The following CCSER1 variants were observed in gnomAD, a reference collection of about 807,000 sequenced individuals.
The protein encoded by CCSER1 is serine-rich coiled-coil domain-containing protein 1.
In CCSER1, 41 loss-of-function variants were observed where a neutral mutation model predicts 82.0. The ratio of observed to expected loss-of-function variants is 0.50; its 90% CI spans 0.39 to 0.65. The LOEUF (loss-of-function observed/expected upper bound fraction) is 0.65. CCSER1 is among the 30% of genes least tolerant of loss of function. The pLI, the probability that CCSER1 is intolerant of heterozygous loss-of-function variation, is 0.00. For missense variants in CCSER1, 1,119 were observed against 1,064.2 expected (o/e 1.05, Z -0.72); for synonymous variants, 414 against 383.9 (o/e 1.08, Z -0.92).
At chr4:90,704,196 T>G (rs967700333) in intron 6 of CCSER1, among the ~76,000 whole-genome samples, 13 of 152,222 alleles carry the variant, frequency 8.5e-5, no homozygotes, top group Admixed American at 2.6e-4. Flanking sequence ...CAGCATTTGC[T>G]TGTGTGTAAA....
chr4:91,053,918 C>A (rs1743214648), intron 9 of CCSER1, among the ~76,000 whole-genome samples: 1 of 152,134 alleles, frequency 6.6e-6, no homozygotes, highest in Admixed American at 6.5e-5. Context: ...AATGTGCTAC[C>A]ATGTATTAAG....
chr4:90,620,955 G>A (rs951758446), intron 5 of CCSER1, among the ~76,000 whole-genome samples: 1 of 151,964 alleles, frequency 6.6e-6, no homozygotes, highest in African/African-American at 2.4e-5. Flanking sequence ...CTGACATTAT[G>A]GTCGTGCATC....
intron 9 of CCSER1, among the ~76,000 whole-genome samples, chr4:90,926,723 G>A (rs1437417895): frequency 6.6e-6 from 1 of 151,964 alleles, no homozygotes; most frequent in Non-Finnish European, 1.5e-5. Context: ...TGTGATGAGG[G>A]AGATTGTTAA....
intron 5 of CCSER1, among the ~76,000 whole-genome samples, chr4:90,558,784 AT>A (rs1394519711): frequency 3.3e-5 from 5 of 152,160 alleles, no homozygotes; most frequent in African/African-American, 1.2e-4. Context: ...GAATGAGTAT[AT>A]TTTTTAGGGA....
chr4:91,083,420 C>G, intron 9 of CCSER1, among the ~76,000 whole-genome samples: 1 of 150,516 alleles, frequency 6.6e-6, no homozygotes, highest in East Asian at 2.0e-4. Context: ...GGGGGGTTGG[C>G]GGGGGGAAGG....
intron 3 of CCSER1, among the ~76,000 whole-genome samples, chr4:90,347,683 TG>T (rs1370495932): frequency 6.6e-6 from 1 of 152,054 alleles, no homozygotes; most frequent in Non-Finnish European, 1.5e-5. Context: ...GAGGCCCAGT[TG>T]AGGCCACAGC....
At chr4:90,721,753 C>T (rs1163486636) in intron 6 of CCSER1, among the ~76,000 whole-genome samples, 1 of 151,238 alleles carries the variant, frequency 6.6e-6, no homozygotes, top group Non-Finnish European at 1.5e-5. Flanking sequence ...TGGAATGATA[C>T]CTAAATTACA....
chr4:91,056,678 C>T (rs550780221), intron 9 of CCSER1, among the ~76,000 whole-genome samples: 5 of 152,208 alleles, frequency 3.3e-5, no homozygotes, highest in South Asian at 2.1e-4. Flanking sequence ...GAAAACTGTG[C>T]GTCTAAATCC....
intron 10 of CCSER1, among the ~76,000 whole-genome samples, chr4:91,161,492 G>A (rs187460998): frequency 1.3e-5 from 2 of 152,264 alleles, no homozygotes; most frequent in East Asian, 1.9e-4. Flanking sequence ...ATTACCTTGG[G>A]CAGTATGGCC....
chr4:90,829,721 T>C (rs1055532511), intron 8 of CCSER1, among the ~76,000 whole-genome samples: 1 of 152,130 alleles, frequency 6.6e-6, no homozygotes, highest in African/African-American at 2.4e-5. Context: ...CACCTGAAGG[T>C]CTGCGAGAGA....
chr4:91,567,532 T>TA (rs540358378), intron 10 of CCSER1, among the ~76,000 whole-genome samples: 28 of 151,966 alleles, frequency 1.8e-4, no homozygotes, highest in African/African-American at 6.5e-4. Context: ...TGTAGATCTC[T>TA]AAGAACTTGC....
intron 10 of CCSER1, among the ~76,000 whole-genome samples, chr4:91,403,740 G>A (rs768281511): frequency 4.6e-5 from 7 of 152,160 alleles, no homozygotes; most frequent in Non-Finnish European, 1.0e-4. Flanking sequence ...TATCAGGGAA[G>A]AAGCTGACTT....
At chr4:90,169,318 A>G (rs1275448580) in intron 1 of CCSER1, among the ~76,000 whole-genome samples, 1 of 152,120 alleles carries the variant, frequency 6.6e-6, no homozygotes, top group African/African-American at 2.4e-5. Flanking sequence ...ATTTTTGCAC[A>G]TTGATTTTAT....
At chr4:91,095,389 TG>T (rs572910669) in intron 10 of CCSER1, among the ~76,000 whole-genome samples, 1 of 152,118 alleles carries the variant, frequency 6.6e-6, no homozygotes, top group African/African-American at 2.4e-5. Context: ...CCCTGCCCTT[TG>T]GGGGGGATCC....
chr4:90,270,110 G>T (rs1725976353), intron 1 of CCSER1, among the ~76,000 whole-genome samples: 1 of 151,928 alleles, frequency 6.6e-6, no homozygotes, highest in African/African-American at 2.4e-5. Flanking sequence ...GCTAATACCA[G>T]TCCCACTGCA....
chr4:91,303,076 GAAGT>G (rs1744795161), intron 10 of CCSER1, among the ~76,000 whole-genome samples: 1 of 151,916 alleles, frequency 6.6e-6, no homozygotes, highest in Non-Finnish European at 1.5e-5. Flanking sequence ...AAAAAAGTTT[GAAGT>G]AAGTACTGTC....
intron 6 of CCSER1, among the ~76,000 whole-genome samples, chr4:90,675,729 TTTTTTTTTTTA>T (rs1733763993): frequency 1.1e-3 from 1 of 948 alleles, no homozygotes; most frequent in African/African-American, 3.7e-3. Flanking sequence ...TTTTTTTTTT[TTTTTTTTTTTA>T]TTATACTCTA....
At chr4:90,644,182 T>G (rs13135476) in intron 6 of CCSER1, among the ~76,000 whole-genome samples, 2 of 151,926 alleles carry the variant, frequency 1.3e-5, no homozygotes, top group African/African-American at 4.8e-5. Context: ...GATTTCAGAG[T>G]TTTTGGATTT....
At chr4:90,780,778 TA>T in intron 7 of CCSER1, 1 of 1,168,614 alleles carries the variant, frequency 8.6e-7, no homozygotes, top group East Asian at 4.7e-5. Context: ...CTAAATTGAC[TA>T]AAGTATCAAT....
Sources: allele counts gnomAD v4.1 joint callset (sites outside exome capture counted in the v4.1 genomes callset), GRCh38; gene constraint gnomAD v4.1.1; transcripts MANE v1.5; gene names NCBI Gene and HGNC (gene_info 2026-07-23, HGNC 2026-07-21).